Variants in OAS2 observed in about 807,000 individuals in gnomAD.
OAS2 encodes the protein 2'-5'-oligoadenylate synthetase 2.
Under a neutral mutation model 71.3 loss-of-function variants are expected in OAS2, and 67 were observed. The observed-to-expected ratio is 0.94, with a 90% CI of 0.77 to 1.15. The LOEUF is 1.15. Ranked by LOEUF, OAS2 falls within the 50% of genes most tolerant of loss-of-function variation. OAS2 has a pLI of 0.00. For synonymous variants in OAS2, 327 were observed against 321.8 expected, an observed-to-expected ratio of 1.02 and a Z score of -0.17; for missense variants, 789 against 822.5, an observed-to-expected ratio of 0.96 and a Z score of 0.50.
rs1177387088 is a variant in OAS2, at chr12:112,998,352, C to T, written c.950C>T (p.Thr317Ile). The T allele has an allele frequency of 6.2e-7, 1 of 1,609,982 alleles. No individual in the cohort carries two copies. The highest frequency in any genetic ancestry group is 1.1e-5 in the South Asian group (1 of 90,018). ...CAATGGCTGAAAAAAGAAGCTCAAA[C>T]CTGGTTGACTTCTCCCAACCTGGAT... ...CWQWLKKEAQTWLTSPNLDNE... is the reference protein window; with the variant it reads ...CWQWLKKEAQIWLTSPNLDNE... Residue 317 changes from threonine to isoleucine, a missense_variant, in exon 5 of 10, where the codon ACC becomes ATC. Physicochemically the swap from Thr to Ile is moderately conservative, Grantham distance 89. Transcript: ENST00000392583.
intron 5 of OAS2, among the ~76,000 whole-genome samples, chr12:113,001,747 T>G (rs1334818508): frequency 6.7e-6 from 1 of 149,962 alleles, no homozygotes; most frequent in Non-Finnish European, 1.5e-5. Flanking sequence ...CTTGTCCTTA[T>G]AAGCACAGTG....
chr12:112,988,482 T>C (rs892869417), intron 2 of OAS2: 14 of 499,492 alleles, frequency 2.8e-5, no homozygotes, highest in Admixed American at 6.4e-5. Context: ...CCACCTTTGA[T>C]TGGCCGAAAC....
At chr12:112,992,861 T>C (rs2044203639) in intron 2 of OAS2, among the ~76,000 whole-genome samples, 1 of 152,060 alleles carries the variant, frequency 6.6e-6, no homozygotes, top group South Asian at 2.1e-4. Context: ...GGGAGACAGG[T>C]GCATCATAAT....
At chr12:113,004,811 G>A in intron 6 of OAS2, 123 bp from the exon 7 acceptor site, 1 of 875,000 alleles carries the variant, frequency 1.1e-6, no homozygotes, top group Non-Finnish European at 1.8e-6. Context: ...AGCCCTCACT[G>A]AACCCTAACG....
intron 5 of OAS2, among the ~76,000 whole-genome samples, chr12:113,000,161 T>G (rs570194582): frequency 2.4e-4 from 37 of 152,262 alleles, no homozygotes; most frequent in Middle Eastern, 3.4e-3. Flanking sequence ...TTCAATAACC[T>G]CCATGCCATG....
chr12:112,988,026 G>A (rs953783016), intron 2 of OAS2: 1 of 985,384 alleles, frequency 1.0e-6, no homozygotes, highest in African/African-American at 1.7e-5. Context: ...CACTCAAAAG[G>A]AACCTACAGG....
chr12:112,993,145 T>C (rs183963466), intron 2 of OAS2, among the ~76,000 whole-genome samples: 1 of 152,314 alleles, frequency 6.6e-6, no homozygotes, highest in East Asian at 1.9e-4. Context: ...CGTTTTGTTT[T>C]GTTTTTTAAA....
At chr12:112,983,428 T>G (rs2044101719) in intron 1 of OAS2, among the ~76,000 whole-genome samples, 1 of 152,176 alleles carries the variant, frequency 6.6e-6, no homozygotes, top group African/African-American at 2.4e-5. Flanking sequence ...TTTCACCATG[T>G]TGGTCAGGCT....
chr12:113,001,977 G>A (rs2044294724), intron 5 of OAS2, among the ~76,000 whole-genome samples: 2 of 151,822 alleles, frequency 1.3e-5, no homozygotes, highest in Non-Finnish European at 2.9e-5. Flanking sequence ...GGAGACTGCA[G>A]TGAGCTATAA....
chr12:112,985,334 A>G (rs1190560180), intron 1 of OAS2, among the ~76,000 whole-genome samples: 1 of 151,854 alleles, frequency 6.6e-6, no homozygotes, highest in South Asian at 2.1e-4. Context: ...GGCTTTCTTC[A>G]CTCATTTTTA....
intron 1 of OAS2, among the ~76,000 whole-genome samples, chr12:112,982,120 T>C (rs553772435): frequency 5.3e-5 from 8 of 152,184 alleles, no homozygotes; most frequent in Non-Finnish European, 1.0e-4. Context: ...TCTAAGAGGT[T>C]TTCTTGGTGG....
chr12:113,009,475 C>G lies in OAS2; in HGVS notation c.*220C>G, dbSNP rs1484633032. 5 of 1,280,580 alleles carry G rather than the reference C, an allele frequency of 3.9e-6. No individual in the cohort carries two copies. In the South Asian group the frequency reaches 9.2e-5, roughly 24 times the overall value. 79.3% of individuals were successfully genotyped at this position (1,280,580 alleles called of 1,614,324 possible). On this transcript the variant is annotated 3_prime_UTR_variant, in exon 10 of 10. Transcript: ENST00000392583. The stretch of plus-strand genomic sequence containing the variant: ...GCTGCGCAGCATCCCTAGTCTCTAC[C>G]CAGTAGATGCCACTAGCCCTCCTCT...
chr12:113,005,086 G>A lies in OAS2; in HGVS notation c.1332G>A (p.Arg444=). The change falls in exon 7 of 10, where the codon AGG becomes AGA. Residue 444 remains arginine, a synonymous_variant. Transcript: ENST00000392583. ...ATGAACAGCTGAAAGCCTTTTGGAG[G>A]GAGAAGGAGGAGGAGCTTGAAGTCA... ...EIHEQLKAFW[R]EKEEELEVSF... 2 of 1,614,168 alleles carry A rather than the reference G, an allele frequency of 1.2e-6. No individual in the cohort carries two copies. Among genetic ancestry groups the A allele is most frequent in the South Asian group, 1.1e-5 (1 of 91,082 alleles).
In OAS2 at chr12:113,009,932, C is replaced by T. The variant is rs1377550703; in HGVS notation, c.*677C>T. 7.1e-6 allele frequency: 7 copies of T among 987,594 alleles called. No homozygotes were observed. The highest frequency in any genetic ancestry group is 8.4e-6 in the Non-Finnish European group (7 of 831,578). The allele number at this position is 987,594 out of a possible 1,614,324, so 61.2% of individuals were successfully genotyped here. Reference sequence around the variant, plus strand: ...TCCAGATATACTTGGTTCTCTCCACCAGGTTCTTTCTTTAAAGCAGGATTT... The same window carrying T: ...TCCAGATATACTTGGTTCTCTCCACTAGGTTCTTTCTTTAAAGCAGGATTT... On this transcript the variant is annotated 3_prime_UTR_variant, in exon 10 of 10. Coordinates refer to ENST00000392583, the MANE Select transcript of OAS2 (RefSeq NM_002535.3).
chr12:112,978,624 T>A lies in OAS2; in HGVS notation c.16T>A (p.Ser6Thr). 6.2e-7 allele frequency: 1 copy of A among 1,613,694 alleles called. No individual in the cohort carries two copies. Among genetic ancestry groups the A allele is most frequent in the Non-Finnish European group, 8.5e-7 (1 of 1,179,848 alleles). Residue 6 changes from serine (S) to threonine (T), a missense_variant, in exon 1 of 10, where the codon TCC (serine) becomes ACC (threonine). Physicochemically the swap from Ser to Thr is moderately conservative, Grantham distance 58 (BLOSUM62 1). Transcript: ENST00000392583. This position sits in a 1 kb window ranked among gnomAD's most constrained non-coding sequence, Gnocchi z 4.2. ...GCTGAGAGCAATGGGAAATGGGGAG[T>A]CCCAGCTGTCCTCGGTGCCTGCTCA... MGNGE[S>T]QLSSVPAQKL...
chr12:112,988,625 C>G (rs1053403231), intron 2 of OAS2: 1 of 985,340 alleles, frequency 1.0e-6, no homozygotes, highest in African/African-American at 1.7e-5. Context: ...CTTGATTTAA[C>G]AGCACCAATA....
Position 112,995,295 on chromosome 12 carries a change from G to C in OAS2, c.449-1G>C. ...ACGTTCCAATTTCTGTTTCACATCA[G>C]GCTTAAATGATAATCCCAGCCCCTG... On this transcript the variant is annotated splice_acceptor_variant, in intron 2 of 9. Coordinates refer to ENST00000392583, the MANE Select transcript of OAS2 (RefSeq NM_002535.3). LOFTEE classifies it high-confidence loss of function. 1 of 1,603,816 alleles carries C rather than the reference G, an allele frequency of 6.2e-7. No homozygotes were observed.
rs2044320984 is a variant in OAS2 at position 113,005,201 on chromosome 12, C to T, written c.1447C>T (p.Leu483Phe). The T allele has an allele frequency of 6.2e-7, 1 of 1,613,762 alleles. No individual in the cohort carries two copies. Among genetic ancestry groups the T allele is most frequent in the Non-Finnish European group, 8.5e-7 (1 of 1,179,800 alleles). ...CAACGAAAGTGTCAGCTTTGATGTG[C>T]TTCCTGCCTTTAATGCACTGGGTAA... ...VLNESVSFDVLPAFNALGQLS... is the reference protein window; with the variant it reads ...VLNESVSFDVFPAFNALGQLS... The change falls in exon 7 of 10, where the codon CTT (leucine) becomes TTT (phenylalanine). Residue 483 changes from leucine to phenylalanine, a missense_variant. Leu to Phe is a conservative substitution (Grantham distance 22). Coordinates refer to ENST00000392583, the MANE Select transcript of OAS2 (RefSeq NM_002535.3).
chr12:113,005,110 C>T lies in OAS2; in HGVS notation c.1356C>T (p.Val452=). ...FWREKEEELE[V]SFEPPKWKAP... ...GGGAGAAGGAGGAGGAGCTTGAAGTCAGCTTTGAGCCTCCCAAGTGGAAGG... is the reference window on the plus strand; with the variant it reads ...GGGAGAAGGAGGAGGAGCTTGAAGTTAGCTTTGAGCCTCCCAAGTGGAAGG... Residue 452 remains valine (V), a synonymous_variant, in exon 7 of 10, where the codon GTC becomes GTT. Coordinates refer to ENST00000392583, the MANE Select transcript of OAS2 (RefSeq NM_002535.3). 1 of 1,614,138 alleles carries T rather than the reference C, an allele frequency of 6.2e-7. No individual in the cohort carries two copies. Among genetic ancestry groups the T allele is most frequent in the South Asian group, 1.1e-5 (1 of 91,080 alleles).
Sources: allele counts gnomAD v4.1 joint callset (sites outside exome capture counted in the v4.1 genomes callset), GRCh38; gene constraint gnomAD v4.1.1; non-coding constraint Gnocchi (gnomAD v3.1); transcripts MANE v1.5; gene names NCBI Gene and HGNC (gene_info 2026-07-23, HGNC 2026-07-21).